ZFP28: variants seen among roughly 807,000 people sequenced by gnomAD.
The protein encoded by ZFP28 is ZFP28 zinc finger protein, also known as zinc finger protein 28 homolog.
A neutral mutation model predicts 39.5 loss-of-function variants in ZFP28; 31 were observed. That is an observed-to-expected ratio of 0.79 (90% CI 0.59 to 1.06). The LOEUF (loss-of-function observed/expected upper bound fraction) is 1.06. Ranked by LOEUF, ZFP28 falls within the 50% of genes least tolerant of loss-of-function variation. The pLI, the probability that ZFP28 is intolerant of heterozygous loss-of-function variation, is 0.00. For missense variants in ZFP28, 925 were observed against 1,048.4 expected (o/e 0.88, Z 1.63); for synonymous variants, 400 against 378.6 (o/e 1.06, Z -0.66).
chr19:56,549,963 G>A, intron 5 of ZFP28, 104 bp from the exon 6 acceptor site: 1 of 779,320 alleles, frequency 1.3e-6, no homozygotes, highest in Non-Finnish European at 2.1e-6. Flanking sequence ...TGCAGTTCTT[G>A]GTATGGAGTG....
At chr19:56,542,807 C>G (rs1424338598) in intron 2 of ZFP28, among the ~76,000 whole-genome samples, 1 of 151,970 alleles carries the variant, frequency 6.6e-6, no homozygotes, top group Non-Finnish European at 1.5e-5. Flanking sequence ...ACTCTGTCAC[C>G]TAGGCTGGAG....
intron 4 of ZFP28, among the ~76,000 whole-genome samples, 158 bp from the exon 5 acceptor site, chr19:56,548,800 A>G (rs945728300): frequency 6.6e-6 from 1 of 152,254 alleles, no homozygotes; most frequent in Non-Finnish European, 1.5e-5. Flanking sequence ...TGCTAGTAAT[A>G]TAAGAAAGCT....
At chr19:56,550,252 T>C in intron 6 of ZFP28, 71 bp downstream of exon 6, 1 of 1,413,184 alleles carries the variant, frequency 7.1e-7, no homozygotes, top group Non-Finnish European at 9.8e-7. Flanking sequence ...AGTTTTGAAT[T>C]ATGGAGGAGG....
At chr19:56,550,973 A>T (rs2044296448) in intron 7 of ZFP28, 5 of 1,361,796 alleles carry the variant, frequency 3.7e-6, no homozygotes, top group Non-Finnish European at 4.7e-6. Context: ...GAGAACCACA[A>T]ATTGAAAGTT....
chr19:56,539,181 T>A lies in ZFP28; in HGVS notation c.163T>A (p.Ser55Thr). 1.9e-6 allele frequency: 3 copies of A among 1,603,842 alleles called. No homozygotes were observed. The highest frequency in any genetic ancestry group is 2.5e-6 in the Non-Finnish European group (3 of 1,178,184). The stretch of plus-strand genomic sequence containing the variant: ...GCCGCGCTCAAGGAATGGCCTCGCA[T>A]CCAAAGGCCAGCGAGGAGCGGCCCC... ...GRPRSRNGLASKGQRGAAPTG... is the reference protein window; with the variant it reads ...GRPRSRNGLATKGQRGAAPTG... The change falls in exon 1 of 8, where the codon TCC becomes ACC. Residue 55 changes from serine (S) to threonine (T), a missense_variant. Transcript: ENST00000301318.
intron 7 of ZFP28, chr19:56,553,226 GT>G (rs5828687): frequency 0.64 from 94,543 of 147,150 alleles, 30,578 homozygotes; most frequent in African/African-American, 0.76. Flanking sequence ...GAAAATAATT[GT>G]TTTTTTTTTT....
intron 2 of ZFP28, among the ~76,000 whole-genome samples, chr19:56,542,858 G>A (rs762159444): frequency 1.3e-5 from 2 of 151,758 alleles, no homozygotes; most frequent in Non-Finnish European, 2.9e-5. Context: ...CTCAAACTCC[G>A]GGCCTCAAGC....
In ZFP28 at chr19:56,548,966, G is replaced by T. The variant is rs942820038; in HGVS notation, c.532G>T (p.Ala178Ser). Reference sequence around the variant, plus strand: ...TTCTTTACGTCTTTCAGACTTGAAGGCTGTGTGGAAGATCAAGGAGTTACC... The same window carrying T: ...TTCTTTACGTCTTTCAGACTTGAAGTCTGTGTGGAAGATCAAGGAGTTACC... ...MTRAWCPDLKAVWKIKELPLK... is the reference protein window; with the variant it reads ...MTRAWCPDLKSVWKIKELPLK... The change falls in exon 5 of 8, where the codon GCT becomes TCT. Residue 178 changes from alanine to serine, a missense_variant. Physicochemically the swap from Ala to Ser is moderately conservative, Grantham distance 99. This residue lies in a region of ZFP28 where 556 missense variants were observed against 542.9 expected (regional missense o/e 1.02). Transcript: ENST00000301318. 6.2e-7 allele frequency: 1 copy of T among 1,612,666 alleles called. No individual in the cohort carries two copies. Among genetic ancestry groups the T allele is most frequent in the Non-Finnish European group, 8.5e-7 (1 of 1,179,552 alleles).
At chr19:56,548,795 G>A (rs2044266089) in intron 4 of ZFP28, among the ~76,000 whole-genome samples, 163 bp from the exon 5 acceptor site, 1 of 152,148 alleles carries the variant, frequency 6.6e-6, no homozygotes, top group Non-Finnish European at 1.5e-5. Context: ...AATATTGCTA[G>A]TAATATAAGA....
In ZFP28 at chr19:56,553,820, T is replaced by C. The variant is rs145011; in HGVS notation, c.1035T>C (p.Phe345=). The change falls in exon 8 of 8, where the codon TTT becomes TTC. Residue 345 remains phenylalanine, a synonymous_variant. Transcript: ENST00000301318. ...FRENWDSDYV[F]GRKLAVGQET... is the part of the protein sequence containing the mutation. The stretch of plus-strand genomic sequence containing the variant: ...AAAATTGGGATTCTGACTATGTGTT[T>C]GGAAGGAAGCTTGCAGTAGGTCAAG... The C allele has an allele frequency of 0.25, 410,187 of 1,613,804 alleles. 54,985 individuals carry two copies. The highest frequency in any genetic ancestry group is 0.36 in the Admixed American group (21,444 of 59,980).
chr19:56,551,178 C>G, intron 7 of ZFP28: 1 of 989,130 alleles, frequency 1.0e-6, no homozygotes, highest in Non-Finnish European at 1.2e-6. Context: ...CCAGTGGTGT[C>G]TATGTTTTAG....
chr19:56,539,702 A>C lies in ZFP28; in HGVS notation c.286A>C (p.Lys96Gln). 6.2e-7 allele frequency: 1 copy of C among 1,614,128 alleles called. No homozygotes were observed. Among genetic ancestry groups the C allele is most frequent in the Non-Finnish European group, 8.5e-7 (1 of 1,179,996 alleles). Reference protein sequence around the residue: ...LEAVGTGIEPKAMSQGLVTFG... With the variant: ...LEAVGTGIEPQAMSQGLVTFG... Reference sequence around the variant, plus strand: ...GGCTGTGGGGACAGGAATTGAACCTAAAGCCATGTCCCAGGTGAGTTGGCA... The same window carrying C: ...GGCTGTGGGGACAGGAATTGAACCTCAAGCCATGTCCCAGGTGAGTTGGCA... Residue 96 changes from lysine to glutamine, a missense_variant, in exon 2 of 8, where the codon AAA (lysine) becomes CAA (glutamine). This residue lies in a region of ZFP28 where 556 missense variants were observed against 542.9 expected (regional missense o/e 1.02). Transcript: ENST00000301318.
In ZFP28 at chr19:56,547,586, T is replaced by G. The variant is rs557880429; in HGVS notation, c.379T>G (p.Leu127Val). Reference sequence around the variant, plus strand: ...GTGGCTGAACCCCATTCAGAGGAACTTGTACAGGAAGGTGATGTTGGAGAA... The same window carrying G: ...GTGGCTGAACCCCATTCAGAGGAACGTGTACAGGAAGGTGATGTTGGAGAA... ...WEWLNPIQRN[L>V]YRKVMLENYR... Residue 127 changes from leucine (L) to valine (V), a missense_variant, in exon 3 of 8, where the codon TTG becomes GTG. Physicochemically the swap from Leu to Val is conservative, Grantham distance 32 (BLOSUM62 1). Transcript: ENST00000301318. This position sits in a 1 kb window ranked among gnomAD's most constrained non-coding sequence, Gnocchi z 4.6. 2.5e-5 allele frequency: 41 copies of G among 1,613,826 alleles called. No homozygotes were observed. In the South Asian group the frequency reaches 4.1e-4, roughly 16 times the overall value.
Position 56,553,847 on chromosome 19 carries a change from G to A in ZFP28, c.1062G>A (p.Glu354=). ...GAAGGAAGCTTGCAGTAGGTCAAGA[G>A]ACACAATTCAGGCAAGAGCCAATTA... ...VFGRKLAVGQ[E]TQFRQEPITH... Residue 354 remains glutamate (E), a synonymous_variant, in exon 8 of 8, where the codon GAG becomes GAA. Transcript: ENST00000301318. 1 of 1,614,092 alleles carries A rather than the reference G, an allele frequency of 6.2e-7. No individual in the cohort carries two copies. The highest frequency in any genetic ancestry group is 8.5e-7 in the Non-Finnish European group (1 of 1,180,014).
intron 2 of ZFP28, among the ~76,000 whole-genome samples, chr19:56,541,978 C>T (rs1365923102): frequency 6.7e-6 from 1 of 148,426 alleles, no homozygotes; most frequent in Non-Finnish European, 1.5e-5. Flanking sequence ...CCGCCCACCT[C>T]AGCCTCCCAA....
chr19:56,538,873 G>A, upstream of ZFP28: 1 of 537,674 alleles, frequency 1.9e-6, no homozygotes, highest in Non-Finnish European at 2.6e-6. Context: ...GGCCGGGGGC[G>A]GGGCGGCTCC....
chr19:56,539,466 G>T (rs1485773681), intron 1 of ZFP28, among the ~76,000 whole-genome samples, 159 bp from the exon 2 acceptor site: 2 of 152,120 alleles, frequency 1.3e-5, no homozygotes, highest in Admixed American at 6.5e-5. Context: ...TCCTGTTTTC[G>T]TGCTCCCAGG....
Position 56,547,375 on chromosome 19 carries a change from C to A in ZFP28, c.301-133C>A. ...TAGGCCCTGTCTCTAAATACAGTCA[C>A]ATTCAAAAGTACTGGGGATTAGGAG... is the stretch of plus-strand genomic sequence containing the variant. On this transcript the variant is annotated intron_variant, in intron 2 of 7. Coordinates refer to ENST00000301318, the MANE Select transcript of ZFP28 (RefSeq NM_020828.2). This position sits in a 1 kb window ranked among gnomAD's most constrained non-coding sequence, Gnocchi z 4.6. 1 of 1,322,284 alleles carries A rather than the reference C, an allele frequency of 7.6e-7. No individual in the cohort carries two copies. Among genetic ancestry groups the A allele is most frequent in the Non-Finnish European group, 1.0e-6 (1 of 953,476 alleles). 81.9% of individuals were successfully genotyped at this position (1,322,284 alleles called of 1,614,324 possible).
At position 56,555,119 on chromosome 19, in the gene ZFP28, C is replaced by A. The variant is rs201536524; in HGVS notation, c.2334C>A (p.Ile778=). The A allele has an allele frequency of 2.5e-6, 4 of 1,614,114 alleles. No individual in the cohort carries two copies. The highest frequency in any genetic ancestry group is 1.6e-4 in the Middle Eastern group (1 of 6,062). ...HRQSLSVHQR[I]HSGKKPYECK... ...AATCCCTTAGTGTACATCAGAGAAT[C>A]CATTCTGGAAAGAAACCATATGAAT... The change falls in exon 8 of 8, where the codon ATC becomes ATA. Residue 778 remains isoleucine, a synonymous_variant. Transcript: ENST00000301318.
Sources: gnomAD v4.1 joint callset for allele counts (sites outside exome capture counted in the v4.1 genomes callset) on GRCh38, gnomAD v4.1.1 for gene constraint, gnomAD v4.1.1 regional missense constraint, Gnocchi (gnomAD v3.1) non-coding constraint, MANE v1.5 for transcripts, NCBI Gene and HGNC (gene_info 2026-07-23, HGNC 2026-07-21) for gene names.